The following CADPS2 variants were observed in gnomAD, a reference collection of about 807,000 sequenced individuals.
The protein encoded by CADPS2 is calcium dependent secretion activator 2.
A neutral mutation model predicts 172.5 loss-of-function variants in CADPS2; 93 were observed. That is an observed-to-expected ratio of 0.54 (90% CI 0.46 to 0.64). CADPS2 has a LOEUF of 0.64. Ranked by LOEUF, CADPS2 falls within the 30% of genes least tolerant of loss-of-function variation. The pLI is 0.00. For missense variants in CADPS2, 1,420 were observed against 1,565.9 expected, an observed-to-expected ratio of 0.91 and a Z score of 1.57; for synonymous variants, 546 against 555.2, an observed-to-expected ratio of 0.98 and a Z score of 0.23.
intron 12 of CADPS2, among the ~76,000 whole-genome samples, chr7:122,480,550 G>C (rs77633002): frequency 2.0e-5 from 3 of 151,942 alleles, no homozygotes; most frequent in Non-Finnish European, 4.4e-5. Context: ...AAATAATACC[G>C]CATGTATAAC....
At chr7:122,699,161 T>C in intron 2 of CADPS2, 1 of 424,460 alleles carries the variant, frequency 2.4e-6, no homozygotes, top group East Asian at 4.0e-5. Flanking sequence ...CTGCTTACTA[T>C]TGTGTGATGT....
intron 12 of CADPS2, 24 bp from the exon 13 acceptor site, chr7:122,474,541 C>G (rs765776426): frequency 2.5e-6 from 4 of 1,605,176 alleles, no homozygotes; most frequent in Non-Finnish European, 3.4e-6. Flanking sequence ...AAAGCATGTA[C>G]AGTATATTTA....
intron 29 of CADPS2, among the ~76,000 whole-genome samples, chr7:122,323,012 C>T (rs2032932961): frequency 6.6e-6 from 1 of 152,174 alleles, no homozygotes; most frequent in African/African-American, 2.4e-5. Flanking sequence ...CAATTCTCTA[C>T]ATGTGTTATT....
At chr7:122,726,649 CAT>C (rs1264269038) in intron 2 of CADPS2, among the ~76,000 whole-genome samples, 2 of 151,332 alleles carry the variant, frequency 1.3e-5, no homozygotes, top group Admixed American at 6.6e-5. Context: ...TTTGAGCAAA[CAT>C]AAAACTTATG....
At chr7:122,815,146 A>G (rs556057390) in intron 1 of CADPS2, among the ~76,000 whole-genome samples, 1 of 152,282 alleles carries the variant, frequency 6.6e-6, no homozygotes, top group South Asian at 2.1e-4. Flanking sequence ...CATAGCTACA[A>G]TAAAGAAAGT....
intron 3 of CADPS2, among the ~76,000 whole-genome samples, chr7:122,638,691 T>C (rs1422743792): frequency 1.3e-5 from 2 of 152,162 alleles, no homozygotes; most frequent in African/African-American, 4.8e-5. Context: ...ATTCTCAGGA[T>C]TGCACAGGTC....
chr7:122,812,613 T>A (rs568263664), intron 1 of CADPS2, among the ~76,000 whole-genome samples: 1 of 152,252 alleles, frequency 6.6e-6, no homozygotes, highest in African/African-American at 2.4e-5. Flanking sequence ...TAATAAGTCT[T>A]CTATTTTTTC....
chr7:122,711,655 A>AT (rs1232906861), intron 2 of CADPS2, among the ~76,000 whole-genome samples: 1 of 151,646 alleles, frequency 6.6e-6, no homozygotes, highest in Non-Finnish European at 1.5e-5. Context: ...TATGTTTTAC[A>AT]TTTTTTTTCT....
At chr7:122,589,096 T>C (rs1443102252) in intron 6 of CADPS2, among the ~76,000 whole-genome samples, 1 of 152,008 alleles carries the variant, frequency 6.6e-6, no homozygotes, top group Non-Finnish European at 1.5e-5. Flanking sequence ...TATGTGTTGG[T>C]GTCTTTCTAT....
intron 12 of CADPS2, chr7:122,480,097 G>A (rs753562625): frequency 1.5e-5 from 7 of 471,236 alleles, no homozygotes; most frequent in Admixed American, 4.7e-5. Context: ...ACTCTAGCAC[G>A]TTACATTTTA....
chr7:122,807,077 C>G (rs918826146), intron 1 of CADPS2, among the ~76,000 whole-genome samples: 1 of 152,198 alleles, frequency 6.6e-6, no homozygotes, highest in Non-Finnish European at 1.5e-5. Context: ...TTTCCTCGTT[C>G]CAGCACATTT....
chr7:122,318,745 G>C lies in CADPS2; in HGVS notation c.*1420C>G, dbSNP rs544056668. On this transcript the variant is annotated 3_prime_UTR_variant, in exon 30 of 30. Coordinates refer to ENST00000449022, the MANE Select transcript of CADPS2 (RefSeq NM_017954.11). ...AAATGAGCCAAAACAATGCTAAATAGTAACTGTAGATTAAATAGATTTTTA... is the reference window on the plus strand; with the variant it reads ...AAATGAGCCAAAACAATGCTAAATACTAACTGTAGATTAAATAGATTTTTA... 1 of 152,170 alleles carries C rather than the reference G, an allele frequency of 6.6e-6. No homozygotes were observed. Among genetic ancestry groups the C allele is most frequent in the Non-Finnish European group, 1.5e-5 (1 of 68,030 alleles). The allele number at this position is 152,170 out of a possible 1,614,324, so 9.4% of individuals were successfully genotyped here.
chr7:122,706,091 A>AAT (rs1315237559), intron 2 of CADPS2, among the ~76,000 whole-genome samples: 1 of 45,900 alleles, frequency 2.2e-5, no homozygotes, highest in East Asian at 6.8e-4. Flanking sequence ...ATATTCAAGG[A>AAT]ATATATATAT....
At chr7:122,560,462 T>G (rs1402910024) in intron 7 of CADPS2, among the ~76,000 whole-genome samples, 3 of 152,200 alleles carry the variant, frequency 2.0e-5, no homozygotes, top group African/African-American at 7.2e-5. Context: ...TCTCTCTAGC[T>G]ACATACATCT....
chr7:122,549,480 G>C (rs1335291855), intron 8 of CADPS2, among the ~76,000 whole-genome samples: 1 of 151,970 alleles, frequency 6.6e-6, no homozygotes, highest in Non-Finnish European at 1.5e-5. Flanking sequence ...ATTTAGCCAG[G>C]TGTGGTGGTG....
chr7:122,533,390 ATTTC>A, intron 8 of CADPS2, among the ~76,000 whole-genome samples: 1 of 152,150 alleles, frequency 6.6e-6, no homozygotes, highest in Non-Finnish European at 1.5e-5. Context: ...TTTTATATCC[ATTTC>A]TTTATCATTC....
chr7:122,861,264 T>C (rs1388539403), intron 1 of CADPS2, among the ~76,000 whole-genome samples: 4 of 152,210 alleles, frequency 2.6e-5, no homozygotes, highest in Non-Finnish European at 5.9e-5. Context: ...TCCCAGCATT[T>C]GTTGTCTTTT....
At chr7:122,616,413 A>T (rs1163137256) in intron 5 of CADPS2, among the ~76,000 whole-genome samples, 1 of 152,104 alleles carries the variant, frequency 6.6e-6, no homozygotes, top group Admixed American at 6.5e-5. Context: ...AACCATCTTA[A>T]AAGTGTTCTT....
At chr7:122,456,706 G>A (rs2053826023) in intron 14 of CADPS2, among the ~76,000 whole-genome samples, 1 of 152,114 alleles carries the variant, frequency 6.6e-6, no homozygotes, top group Admixed American at 6.6e-5. Context: ...TCTGCCTGTG[G>A]GTCACACTCT....
Sources: allele counts gnomAD v4.1 joint callset (sites outside exome capture counted in the v4.1 genomes callset), GRCh38; gene constraint gnomAD v4.1.1; transcripts MANE v1.5; gene names NCBI Gene and HGNC (gene_info 2026-07-23, HGNC 2026-07-21).